Variants in USP34 observed in about 807,000 individuals in gnomAD.
The protein encoded by USP34 is ubiquitin carboxyl-terminal hydrolase 34.
Under a neutral mutation model 460.3 loss-of-function variants are expected in USP34, and 70 were observed. The ratio of observed to expected loss-of-function variants is 0.15; its 90% CI spans 0.13 to 0.19. The LOEUF (loss-of-function observed/expected upper bound fraction) is 0.19, where lower values mean the gene tolerates loss of function less well. Among genes scored for constraint, USP34 ranks in the 10% least tolerant of loss-of-function variants. The pLI, the probability that USP34 is intolerant of heterozygous loss-of-function variation, is 1.00. For synonymous variants in USP34, 1,647 were observed against 1,405.3 expected, an observed-to-expected ratio of 1.17 and a Z score of -3.85; for missense variants, 3,985 against 4,236.2, an observed-to-expected ratio of 0.94 and a Z score of 1.65.
intron 5 of USP34, among the ~76,000 whole-genome samples, chr2:61,384,765 C>T (rs961076255): frequency 1.2e-4 from 18 of 152,106 alleles, no homozygotes; most frequent in Admixed American, 1.2e-3. Flanking sequence ...CTATAAAAAC[C>T]CTGTAGTAAA....
chr2:61,213,465 A>C lies in USP34; in HGVS notation c.8682+595T>G, dbSNP rs188983175. 2.6e-5 allele frequency among the ~76,000 whole-genome samples: 4 copies of C among 152,316 alleles called. No individual in the cohort carries two copies. The East Asian group carries it at 7.7e-4, about 29-fold the overall frequency. On this transcript the variant is annotated intron_variant, in intron 68 of 79. Transcript: ENST00000398571. ...CAACAGAGAATAAGAGGCAACAGTG[A>C]AAAGTTATTAACCAGGTTTGACAGC...
At chr2:61,208,871 C>A (rs1384071209) in intron 70 of USP34, 28 bp downstream of exon 70, 3 of 1,477,896 alleles carry the variant, frequency 2.0e-6, no homozygotes, top group Admixed American at 1.9e-5. Context: ...GAGATAATAT[C>A]CACAGTAAAA....
intron 67 of USP34, among the ~76,000 whole-genome samples, chr2:61,218,316 G>GAA (rs79272493): frequency 2.3e-4 from 21 of 89,740 alleles, no homozygotes; most frequent in African/African-American, 3.6e-4. Flanking sequence ...AAACTTCCAG[G>GAA]AAAAAAAAAA....
chr2:61,383,440 C>T, intron 5 of USP34, 104 bp from the exon 6 acceptor site: 1 of 784,846 alleles, frequency 1.3e-6, no homozygotes, highest in Non-Finnish European at 2.0e-6. Context: ...CACGGTCGCT[C>T]ACGCCTGTAA....
At chr2:61,215,331 T>C (rs995272111) in intron 67 of USP34, among the ~76,000 whole-genome samples, 1 of 152,194 alleles carries the variant, frequency 6.6e-6, no homozygotes, top group African/African-American at 2.4e-5. Context: ...AATATATATT[T>C]AAGTTATAAA....
Position 61,206,737 on chromosome 2 carries a change from ATAAGAAG to A in USP34, c.9046+16_9046+22del. ...TCTTTACTAGTAGCACGAACAAAAC[ATAAGAAG>A]TAGGAATGAGCAAACCTTTTCTCTG... On this transcript the variant is annotated intron_variant, in intron 71 of 79. Transcript: ENST00000398571. 2 of 1,604,256 alleles carry A rather than the reference ATAAGAAG, an allele frequency of 1.2e-6. No individual in the cohort carries two copies. Among genetic ancestry groups the A allele is most frequent in the South Asian group, 2.2e-5 (2 of 90,120 alleles).
chr2:61,384,021 A>G (rs533315525), intron 5 of USP34, among the ~76,000 whole-genome samples: 4 of 152,116 alleles, frequency 2.6e-5, no homozygotes, highest in Non-Finnish European at 4.4e-5. Context: ...AATAAACCGT[A>G]TTAGTTTTTA....
chr2:61,268,233 A>G (rs1309146944), intron 41 of USP34, among the ~76,000 whole-genome samples: 1 of 152,010 alleles, frequency 6.6e-6, no homozygotes. Context: ...TGCTGTAATA[A>G]AATATTGTAA....
chr2:61,267,121 A>G (rs1689072723), intron 41 of USP34, among the ~76,000 whole-genome samples: 1 of 152,192 alleles, frequency 6.6e-6, no homozygotes, highest in Non-Finnish European at 1.5e-5. Context: ...CCAATGGAAG[A>G]CAACCCTTGG....
intron 3 of USP34, among the ~76,000 whole-genome samples, chr2:61,396,381 C>G (rs1359010380): frequency 6.6e-6 from 1 of 152,148 alleles, no homozygotes; most frequent in African/African-American, 2.4e-5. Context: ...AGGAACTAAT[C>G]ATACTAGTAC....
chr2:61,226,448 C>A (rs1346557953), intron 62 of USP34, among the ~76,000 whole-genome samples: 1 of 152,084 alleles, frequency 6.6e-6, no homozygotes, highest in Non-Finnish European at 1.5e-5. Context: ...TACACATACA[C>A]ACACACACAT....
chr2:61,452,075 G>A (rs1051069206), intron 1 of USP34, among the ~76,000 whole-genome samples: 2 of 151,544 alleles, frequency 1.3e-5, no homozygotes, highest in African/African-American at 4.8e-5. Context: ...TCGGGAGGCT[G>A]AGGCAGGAGA....
At chr2:61,365,288 CACACGT>C (rs1038311459) in intron 10 of USP34, among the ~76,000 whole-genome samples, 12 of 148,208 alleles carry the variant, frequency 8.1e-5, no homozygotes, top group African/African-American at 2.0e-4. Context: ...CACACACACA[CACACGT>C]GTGTTTATTT....
intron 2 of USP34, among the ~76,000 whole-genome samples, chr2:61,409,535 G>A (rs919741710): frequency 6.6e-6 from 1 of 152,028 alleles, no homozygotes; most frequent in Non-Finnish European, 1.5e-5. Context: ...CCAACATCGT[G>A]AAACCCCATC....
chr2:61,413,580 A>C (rs1026367729), intron 2 of USP34, among the ~76,000 whole-genome samples: 12 of 147,284 alleles, frequency 8.1e-5, no homozygotes, highest in Non-Finnish European at 1.6e-4. Flanking sequence ...GAATTGCCTG[A>C]ACCTGGAAGG....
At chr2:61,237,562 T>C (rs1238882515) in intron 53 of USP34, among the ~76,000 whole-genome samples, 1 of 127,546 alleles carries the variant, frequency 7.8e-6, no homozygotes, top group Non-Finnish European at 1.6e-5. Flanking sequence ...GGATTTTTTT[T>C]TTTTTTTTTT....
intron 6 of USP34, 91 bp downstream of exon 6, chr2:61,383,178 T>A: frequency 1.1e-6 from 1 of 880,186 alleles, no homozygotes; most frequent in Non-Finnish European, 1.7e-6. Flanking sequence ...GATATGACTA[T>A]AGGGGACTTT....
intron 1 of USP34, among the ~76,000 whole-genome samples, chr2:61,458,835 A>T (rs991262206): frequency 2.0e-5 from 3 of 152,078 alleles, no homozygotes; most frequent in Admixed American, 2.0e-4. Context: ...TGGGAGGCCA[A>T]GGCAGGTGGA....
intron 2 of USP34, among the ~76,000 whole-genome samples, chr2:61,418,433 C>T (rs554993275): frequency 1.3e-5 from 2 of 152,270 alleles, no homozygotes; most frequent in African/African-American, 4.8e-5. Flanking sequence ...GTAGATAATA[C>T]ACTACAAAAA....
Sources: gnomAD v4.1 joint callset for allele counts (sites outside exome capture counted in the v4.1 genomes callset) on GRCh38, gnomAD v4.1.1 for gene constraint, MANE v1.5 for transcripts, NCBI Gene and HGNC (gene_info 2026-07-23, HGNC 2026-07-21) for gene names.